ADAM32: variants seen among roughly 807,000 people sequenced by gnomAD.
The protein encoded by ADAM32 is ADAM metallopeptidase domain 32, also known as disintegrin and metalloproteinase domain-containing protein 32.
Under a neutral mutation model 114.9 loss-of-function variants are expected in ADAM32, and 89 were observed. That is an observed-to-expected ratio of 0.77 (90% CI 0.65 to 0.92). The LOEUF is 0.92. Ranked by LOEUF, ADAM32 falls within the 40% of genes least tolerant of loss-of-function variation. ADAM32 has a pLI of 0.00. For missense variants in ADAM32, 870 were observed against 932.8 expected (o/e 0.93, Z 0.88); for synonymous variants, 285 against 307.5 (o/e 0.93, Z 0.77).
rs775238266 is a variant in ADAM32 at position 39,274,344 on chromosome 8, C to T, written c.2234C>T (p.Ala745Val). 1 of 1,612,892 alleles carries T rather than the reference C, an allele frequency of 6.2e-7. No individual in the cohort carries two copies. The highest frequency in any genetic ancestry group is 1.1e-5 in the South Asian group (1 of 90,828). Residue 745 changes from alanine to valine, a missense_variant, in exon 21 of 25, where the codon GCC becomes GTC. Transcript: ENST00000379907. ...TCAGAAGGCAGCACTCAGACATATGCCAGCCAGTAAGTAGGTTAGAAGAGG... is the reference window on the plus strand; with the variant it reads ...TCAGAAGGCAGCACTCAGACATATGTCAGCCAGTAAGTAGGTTAGAAGAGG... ...SSSEGSTQTY[A>V]SQTRSESSSQ... is the part of the protein sequence containing the mutation.
intron 7 of ADAM32, among the ~76,000 whole-genome samples, chr8:39,163,306 T>G (rs1804627323): frequency 6.6e-6 from 1 of 152,080 alleles, no homozygotes. Context: ...CAGTTTCCAA[T>G]GGTAGGGGGC....
chr8:39,261,056 C>T (rs969240071), intron 19 of ADAM32, among the ~76,000 whole-genome samples: 1 of 152,056 alleles, frequency 6.6e-6, no homozygotes, highest in Non-Finnish European at 1.5e-5. Flanking sequence ...AAATATTTAT[C>T]ATTTCTTTGT....
chr8:39,193,900 G>A (rs1806769807), intron 11 of ADAM32, among the ~76,000 whole-genome samples: 1 of 152,164 alleles, frequency 6.6e-6, no homozygotes, highest in African/African-American at 2.4e-5. Flanking sequence ...CAGACTGCTG[G>A]CCACAACATT....
intron 11 of ADAM32, among the ~76,000 whole-genome samples, chr8:39,199,233 G>T (rs1451502602): frequency 6.6e-6 from 1 of 152,134 alleles, no homozygotes; most frequent in Non-Finnish European, 1.5e-5. Flanking sequence ...TTAGTTACCT[G>T]TATCTTGATG....
intron 2 of ADAM32, among the ~76,000 whole-genome samples, chr8:39,125,880 G>A (rs1249977596): frequency 6.6e-6 from 1 of 152,132 alleles, no homozygotes; most frequent in Admixed American, 6.5e-5. Context: ...TTTTGCATAT[G>A]GTTTGCCAGT....
At chr8:39,171,188 G>A (rs909787273) in intron 10 of ADAM32, among the ~76,000 whole-genome samples, 4 of 152,018 alleles carry the variant, frequency 2.6e-5, no homozygotes, top group South Asian at 2.1e-4. Flanking sequence ...TGCCTGCCTC[G>A]GTGCTGCCTG....
chr8:39,276,284 G>A (rs1813065501), intron 22 of ADAM32: 1 of 151,414 alleles, frequency 6.6e-6, no homozygotes, highest in African/African-American at 2.5e-5. Context: ...AGATCACCTG[G>A]GAAGAATTTG....
chr8:39,130,937 G>C (rs1237371210), intron 2 of ADAM32: 1 of 432,584 alleles, frequency 2.3e-6, no homozygotes, highest in African/African-American at 2.1e-5. Flanking sequence ...CATTTTGGGA[G>C]ACTGAGGCAG....
At chr8:39,143,153 T>C (rs1803278499) in intron 3 of ADAM32, among the ~76,000 whole-genome samples, 1 of 152,222 alleles carries the variant, frequency 6.6e-6, no homozygotes, top group Non-Finnish European at 1.5e-5. Context: ...GGTTACAACA[T>C]GCTCCTTTAG....
At chr8:39,267,595 C>T (rs1456467969) in intron 19 of ADAM32, among the ~76,000 whole-genome samples, 1 of 152,174 alleles carries the variant, frequency 6.6e-6, no homozygotes, top group Non-Finnish European at 1.5e-5. Context: ...AGCACTGAGA[C>T]AAAGGATCTC....
chr8:39,224,930 G>C (rs950597671), intron 14 of ADAM32, among the ~76,000 whole-genome samples: 3 of 152,162 alleles, frequency 2.0e-5, no homozygotes, highest in African/African-American at 7.2e-5. Flanking sequence ...GATATATGGA[G>C]GTGGTTATGA....
At chr8:39,224,908 C>T (rs976147822) in intron 14 of ADAM32, among the ~76,000 whole-genome samples, 2 of 152,138 alleles carry the variant, frequency 1.3e-5, no homozygotes, top group Non-Finnish European at 2.9e-5. Flanking sequence ...CTGATTACAG[C>T]AGCATATCTG....
chr8:39,186,283 T>A (rs1218916250), intron 10 of ADAM32, among the ~76,000 whole-genome samples: 1 of 152,222 alleles, frequency 6.6e-6, no homozygotes, highest in Non-Finnish European at 1.5e-5. Flanking sequence ...GCTTTGGTGA[T>A]AATTTGAGAA....
At chr8:39,156,149 C>T (rs1804136445) in intron 6 of ADAM32, among the ~76,000 whole-genome samples, 1 of 151,114 alleles carries the variant, frequency 6.6e-6, no homozygotes, top group Non-Finnish European at 1.5e-5. Flanking sequence ...ATAATAGTAT[C>T]TTTTTTTTTG....
chr8:39,164,674 G>A (rs1804715635), intron 7 of ADAM32, 90 bp from the exon 8 acceptor site: 1 of 972,266 alleles, frequency 1.0e-6, no homozygotes, highest in Non-Finnish European at 1.5e-6. Flanking sequence ...ACCCAAAGCA[G>A]CCTTACACCT....
intron 16 of ADAM32, among the ~76,000 whole-genome samples, chr8:39,239,938 G>T (rs1455797299): frequency 1.3e-5 from 2 of 152,088 alleles, no homozygotes; most frequent in African/African-American, 2.4e-5. Context: ...AACAATTCTT[G>T]ATAGACGTAA....
chr8:39,199,865 T>C (rs1037097213), intron 11 of ADAM32, among the ~76,000 whole-genome samples: 5 of 143,972 alleles, frequency 3.5e-5, no homozygotes, highest in East Asian at 2.2e-4. Flanking sequence ...AGTGAGAACA[T>C]GCGGTGTTTG....
intron 7 of ADAM32, 98 bp from the exon 8 acceptor site, chr8:39,164,666 C>A: frequency 1.1e-6 from 1 of 879,716 alleles, no homozygotes; most frequent in South Asian, 2.1e-5. Flanking sequence ...CTGTTGAAAC[C>A]CAAAGCAGCC....
At chr8:39,243,051 T>C (rs1481323645) in intron 16 of ADAM32, among the ~76,000 whole-genome samples, 1 of 152,026 alleles carries the variant, frequency 6.6e-6, no homozygotes, top group Non-Finnish European at 1.5e-5. Context: ...AATAAATTCC[T>C]GGAAATATAC....
Sources: gnomAD v4.1 joint callset for allele counts (sites outside exome capture counted in the v4.1 genomes callset) on GRCh38, gnomAD v4.1.1 for gene constraint, MANE v1.5 for transcripts, NCBI Gene and HGNC (gene_info 2026-07-23, HGNC 2026-07-21) for gene names.